CRB2: variants seen among roughly 807,000 people sequenced by gnomAD.
The protein encoded by CRB2 is crumbs cell polarity complex component 2.
A neutral mutation model predicts 110.9 loss-of-function variants in CRB2; 85 were observed. The ratio of observed to expected loss-of-function variants is 0.77; its 90% CI spans 0.64 to 0.92. The LOEUF (loss-of-function observed/expected upper bound fraction) is 0.92, where lower values mean the gene tolerates loss of function less well. Among genes scored for constraint, CRB2 ranks in the 40% least tolerant of loss-of-function variants. CRB2 has a pLI of 0.00. For missense variants in CRB2, 1,843 were observed against 1,851.3 expected (o/e 1.00, Z 0.08); for synonymous variants, 907 against 831.0 (o/e 1.09, Z -1.57).
chr9:123,367,659 C>G lies in CRB2; in HGVS notation c.1027C>G (p.Gln343Glu). The G allele has an allele frequency of 6.4e-7, 1 of 1,565,730 alleles. No homozygotes were observed. The highest frequency in any genetic ancestry group is 8.7e-7 in the Non-Finnish European group (1 of 1,155,976). Reference protein sequence around the residue: ...GHCQDLPNGFQCHCPDGYAGP... With the variant: ...GHCQDLPNGFECHCPDGYAGP... ...CTGCCAGGACCTGCCCAATGGCTTC[C>G]AGTGTCACTGCCCAGATGGCTACGC... is the stretch of plus-strand genomic sequence containing the variant. Residue 343 changes from glutamine to glutamate, a missense_variant, in exon 6 of 13, where the codon CAG becomes GAG. By Grantham distance (29) the Gln-to-Glu change is conservative. Coordinates refer to ENST00000373631, the MANE Select transcript of CRB2 (RefSeq NM_173689.7).
intron 1 of CRB2, among the ~76,000 whole-genome samples, chr9:123,362,333 C>T (rs2041877807): frequency 1.3e-5 from 2 of 152,162 alleles, no homozygotes; most frequent in Non-Finnish European, 2.9e-5. Context: ...GAGCCTCACC[C>T]TCTGGGGCCT....
intron 6 of CRB2, among the ~76,000 whole-genome samples, chr9:123,369,109 T>A (rs1487299095): frequency 6.6e-6 from 1 of 152,110 alleles, no homozygotes; most frequent in African/African-American, 2.4e-5. Context: ...TGAGCTACAG[T>A]GGGCTATGGC....
chr9:123,368,173 C>T (rs2041963824), intron 6 of CRB2, among the ~76,000 whole-genome samples: 1 of 152,106 alleles, frequency 6.6e-6, no homozygotes, highest in Admixed American at 6.5e-5. Flanking sequence ...AACGTCCCTG[C>T]CCCCTCTGGA....
chr9:123,366,235 G>A lies in CRB2; in HGVS notation c.623G>A (p.Cys208Tyr). The A allele has an allele frequency of 1.4e-6, 2 of 1,467,168 alleles. No homozygotes were observed. The highest frequency in any genetic ancestry group is 1.8e-6 in the Non-Finnish European group (2 of 1,119,180). 90.9% of individuals were successfully genotyped at this position (1,467,168 alleles called of 1,614,324 possible). A position where few individuals can be genotyped will look rare whatever the true frequency, so the allele number is the denominator to read the frequency against. The change falls in exon 4 of 13, where the codon TGC (cysteine) becomes TAC (tyrosine). Residue 208 changes from cysteine to tyrosine, a missense_variant. Coordinates refer to ENST00000373631, the MANE Select transcript of CRB2 (RefSeq NM_173689.7). ...CGGTGCGCCCTCCCCAGGTTCCGGT[G>A]CGACTGCGCGGGCACCGGCTACGAG... is the stretch of plus-strand genomic sequence containing the variant. ...TCHDLVNGFRCDCAGTGYEGT... is the reference protein window; with the variant it reads ...TCHDLVNGFRYDCAGTGYEGT...
At chr9:123,374,530 G>T in intron 10 of CRB2, 49 bp from the exon 11 acceptor site, 1 of 1,381,562 alleles carries the variant, frequency 7.2e-7, no homozygotes, top group Non-Finnish European at 1.0e-6. Flanking sequence ...GCTGGGGAGG[G>T]CAGGTCCCAG....
chr9:123,366,584 G>A (rs1263576535), intron 4 of CRB2, among the ~76,000 whole-genome samples: 1 of 152,220 alleles, frequency 6.6e-6, no homozygotes, highest in Admixed American at 6.5e-5. Context: ...CGGGGAGCTC[G>A]AAGGTGCGAC....
chr9:123,359,147 CATT>C (rs2041831966), intron 1 of CRB2, among the ~76,000 whole-genome samples: 1 of 152,086 alleles, frequency 6.6e-6, no homozygotes, highest in Non-Finnish European at 1.5e-5. Context: ...AGAAGGTAAA[CATT>C]TTTGAAAAAG....
At chr9:123,369,090 G>A in intron 6 of CRB2, 1 of 524,734 alleles carries the variant, frequency 1.9e-6, no homozygotes, top group Non-Finnish European at 2.7e-6. Flanking sequence ...GCTGGGATGT[G>A]GCTCTGGCTG....
chr9:123,361,142 G>GGC (rs1554781931), intron 1 of CRB2, among the ~76,000 whole-genome samples: 2 of 150,456 alleles, frequency 1.3e-5, no homozygotes, highest in African/African-American at 5.0e-5. Flanking sequence ...CGGGGAGGGG[G>GGC]GGGGGTTCCT....
chr9:123,375,478 C>T, intron 12 of CRB2, 135 bp downstream of exon 12: 1 of 1,067,728 alleles, frequency 9.4e-7, no homozygotes. Context: ...TGAGAGGAGC[C>T]TCAGGTCCCT....
rs994100418 is a variant in CRB2, at chr9:123,374,665, G to A, written c.3476G>A (p.Cys1159Tyr). ...PCEGGSPAAN[C>Y]SCLEGLAGQR... ...GAGGGTGGCTCTCCCGCTGCCAACT[G>A]CAGCTGCCTGGAGGGTCTTGCTGGC... The change falls in exon 11 of 13, where the codon TGC becomes TAC. Residue 1159 changes from cysteine (C) to tyrosine (Y), a missense_variant. Coordinates refer to ENST00000373631, the MANE Select transcript of CRB2 (RefSeq NM_173689.7). The A allele has an allele frequency of 7.4e-6, 12 of 1,611,894 alleles. No homozygotes were observed. The highest frequency in any genetic ancestry group is 2.2e-5 in the South Asian group (2 of 91,068).
At chr9:123,368,743 A>C in intron 6 of CRB2, 9 of 1,107,372 alleles carry the variant, frequency 8.1e-6, no homozygotes, top group Non-Finnish European at 1.0e-5. Flanking sequence ...CCCTCCCTTT[A>C]GGCCATGCTG....
chr9:123,372,984 G>C (rs940902133), intron 9 of CRB2, 150 bp from the exon 10 acceptor site: 6 of 606,288 alleles, frequency 9.9e-6, no homozygotes, highest in Non-Finnish European at 1.6e-5. Context: ...GGTGGTGGGG[G>C]CGGCTGCAGT....
At chr9:123,356,474 T>C (rs1411189694) in intron 1 of CRB2, 120 bp downstream of exon 1, 2 of 680,944 alleles carry the variant, frequency 2.9e-6, no homozygotes, top group Non-Finnish European at 4.6e-6. Flanking sequence ...AGGCCTGAGC[T>C]GTGGGGTGCA....
rs2042114750 is a variant in CRB2 at position 123,377,091 on chromosome 9, G to A, written c.*29G>A. ...AGCCTGGCTGCTGGCACCAGCACCT[G>A]GAGGTCCTGAATGGTTTCTACCTGG... is the stretch of plus-strand genomic sequence containing the variant. On this transcript the variant is annotated 3_prime_UTR_variant, in exon 13 of 13. Coordinates refer to ENST00000373631, the MANE Select transcript of CRB2 (RefSeq NM_173689.7). The A allele has an allele frequency of 1.8e-5, 27 of 1,502,712 alleles. No individual in the cohort carries two copies. The highest frequency in any genetic ancestry group is 2.4e-5 in the Non-Finnish European group (27 of 1,122,178). 93.1% of individuals were successfully genotyped at this position (1,502,712 alleles called of 1,614,324 possible).
At position 123,376,980 on chromosome 9, in the gene CRB2, G is replaced by A. The variant is rs1217441270; in HGVS notation, c.3776G>A (p.Ser1259Asn). 6.2e-7 allele frequency: 1 copy of A among 1,608,646 alleles called. No homozygotes were observed. The highest frequency in any genetic ancestry group is 1.3e-5 in the African/African-American group (1 of 75,024). ...CGCCGCCAGTCTGAGGGCACCTACA[G>A]CCCAAGCCAGCAGGAGGTGGCTGGG... Reference protein sequence around the residue: ...RKRRQSEGTYSPSQQEVAGAR... With the variant: ...RKRRQSEGTYNPSQQEVAGAR... Residue 1259 changes from serine to asparagine, a missense_variant, in exon 13 of 13, where the codon AGC becomes AAC. By Grantham distance (46) the Ser-to-Asn change is conservative. Transcript: ENST00000373631.
intron 2 of CRB2, among the ~76,000 whole-genome samples, chr9:123,364,578 G>C (rs1263577661): frequency 6.6e-6 from 1 of 151,626 alleles, no homozygotes; most frequent in Non-Finnish European, 1.5e-5. Context: ...AGGGAGGAGG[G>C]AAGGGTCATG....
chr9:123,378,774 T>C (rs896423847), downstream of CRB2: 1 of 147,684 alleles, frequency 6.8e-6, no homozygotes, highest in Non-Finnish European at 1.5e-5. Context: ...GTCCTCTTCC[T>C]GGCTCCTGTG....
At chr9:123,361,138 G>GCGGC (rs55927189) in intron 1 of CRB2, among the ~76,000 whole-genome samples, 32,261 of 115,882 alleles carry the variant, frequency 0.28, 5,203 homozygotes, top group Non-Finnish European at 0.38. Flanking sequence ...TGGGCGGGGA[G>GCGGC]GGGGGGGGGT....
Sources: gnomAD v4.1 joint callset for allele counts (sites outside exome capture counted in the v4.1 genomes callset) on GRCh38, gnomAD v4.1.1 for gene constraint, MANE v1.5 for transcripts, NCBI Gene and HGNC (gene_info 2026-07-23, HGNC 2026-07-21) for gene names.